Variants in TNKS observed in about 807,000 individuals in gnomAD.
TNKS encodes tankyrase, also known as poly [ADP-ribose] polymerase tankyrase-1.
In TNKS, 72 loss-of-function variants were observed where a neutral mutation model predicts 135.8. The observed-to-expected ratio is 0.53, with a 90% CI of 0.44 to 0.64. TNKS has a LOEUF of 0.64. Ranked by LOEUF, TNKS falls within the 30% of genes least tolerant of loss-of-function variation. TNKS has a pLI of 0.00. For synonymous variants in TNKS, 849 were observed against 649.3 expected (o/e 1.31, Z -4.68); for missense variants, 1,769 against 1,674.0 (o/e 1.06, Z -0.99).
intron 1 of TNKS, among the ~76,000 whole-genome samples, chr8:9,577,656 C>A (rs1034707405): frequency 6.6e-6 from 1 of 152,190 alleles, no homozygotes; most frequent in African/African-American, 2.4e-5. Flanking sequence ...TCACCTACCA[C>A]CAGGCCCCTC....
rs759060552 is a variant in TNKS at position 9,735,040 on chromosome 8, G to T, written c.2489G>T (p.Cys830Phe). 1 of 1,614,060 alleles carries T rather than the reference G, an allele frequency of 6.2e-7. No homozygotes were observed. Among genetic ancestry groups the T allele is most frequent in the Non-Finnish European group, 8.5e-7 (1 of 1,180,032 alleles). ...QKLCTPENIN[C>F]RDTQGRNSTP... ...CTCTGTACCCCAGAGAATATCAACT[G>T]CAGAGACACCCAGGGCAGAAATTCA... The change falls in exon 16 of 27, where the codon TGC (cysteine) becomes TTC (phenylalanine). Residue 830 changes from cysteine to phenylalanine, a missense_variant. By Grantham distance (205) the Cys-to-Phe change is radical. Around this residue, in one of 5 missense-constraint regions of TNKS, gnomAD observed 722 missense variants for 688.9 expected, o/e 1.05. Transcript: ENST00000310430.
intron 2 of TNKS, among the ~76,000 whole-genome samples, chr8:9,592,820 T>C (rs1798637000): frequency 6.6e-6 from 1 of 152,178 alleles, no homozygotes; most frequent in Admixed American, 6.5e-5. Context: ...TTAGGTGATA[T>C]CTTGAGATTC....
chr8:9,592,572 G>C (rs1036226816), intron 2 of TNKS, among the ~76,000 whole-genome samples: 5 of 152,138 alleles, frequency 3.3e-5, no homozygotes, highest in African/African-American at 1.2e-4. Context: ...TTCTTAAACT[G>C]AATCAGGTAA....
At chr8:9,682,561 G>T (rs1802826154) in intron 5 of TNKS, among the ~76,000 whole-genome samples, 1 of 151,720 alleles carries the variant, frequency 6.6e-6, no homozygotes, top group South Asian at 2.1e-4. Flanking sequence ...ATATTACTCT[G>T]TGGCACTTAG....
chr8:9,556,067 C>G lies in TNKS; in HGVS notation c.128C>G (p.Thr43Ser). 6.2e-7 allele frequency: 1 copy of G among 1,606,932 alleles called. No homozygotes were observed. Among genetic ancestry groups the G allele is most frequent in the Non-Finnish European group, 8.5e-7 (1 of 1,177,542 alleles). Reference sequence around the variant, plus strand: ...CTCAGCCCTGGCCTGGCCCCGGGGACCACCCCAGCCTCTCCCACGGCCAGC... The same window carrying G: ...CTCAGCCCTGGCCTGGCCCCGGGGAGCACCCCAGCCTCTCCCACGGCCAGC... ...PPLSPGLAPG[T>S]TPASPTASGL... Residue 43 changes from threonine (T) to serine (S), a missense_variant, in exon 1 of 27, where the codon ACC (threonine) becomes AGC (serine). Thr to Ser is a moderately conservative substitution (Grantham distance 58). Transcript: ENST00000310430.
At chr8:9,760,971 C>G (rs1051670411) in intron 20 of TNKS, among the ~76,000 whole-genome samples, 1 of 152,212 alleles carries the variant, frequency 6.6e-6, no homozygotes, top group Non-Finnish European at 1.5e-5. Flanking sequence ...TAACCAAATA[C>G]TTGAGATGTC....
intron 3 of TNKS, among the ~76,000 whole-genome samples, chr8:9,654,051 C>T (rs1433122610): frequency 6.6e-6 from 1 of 152,124 alleles, no homozygotes; most frequent in Non-Finnish European, 1.5e-5. Context: ...CCCAGTTGTG[C>T]AGTAAAAAAT....
chr8:9,690,436 TAAAG>T (rs1803211984), intron 5 of TNKS, among the ~76,000 whole-genome samples: 1 of 152,174 alleles, frequency 6.6e-6, no homozygotes, highest in Non-Finnish European at 1.5e-5. Context: ...ACATTTAAAA[TAAAG>T]ATAGTCCTTT....
chr8:9,620,254 C>T (rs544921450), intron 3 of TNKS, among the ~76,000 whole-genome samples: 5 of 152,162 alleles, frequency 3.3e-5, no homozygotes, highest in Non-Finnish European at 7.4e-5. Context: ...GCCGGGACTC[C>T]TTTCTTTGCC....
rs140891791 is a variant in TNKS at position 9,751,031 on chromosome 8, C to G, written c.2833-578C>G. On this transcript the variant is annotated intron_variant, in intron 18 of 26. Transcript: ENST00000310430. ...GTCACTTCTTCTCCATTCTATTGGTCAAGACAACTCACAGGGCAAACCACA... is the reference window on the plus strand; with the variant it reads ...GTCACTTCTTCTCCATTCTATTGGTGAAGACAACTCACAGGGCAAACCACA... Among the ~76,000 whole-genome samples the G allele has an allele frequency of 2.5e-3, 383 of 151,940 alleles. 2 individuals carry two copies. Among genetic ancestry groups the G allele is most frequent in the African/African-American group, 8.8e-3 (363 of 41,406 alleles).
rs1214433059 is a variant in TNKS at position 9,645,213 on chromosome 8, G to A, written c.994+29536G>A. Among the ~76,000 whole-genome samples, 21 of 149,442 alleles carry A rather than the reference G, an allele frequency of 1.4e-4. 1 individual carries two copies. The highest frequency in any genetic ancestry group is 1.1e-3 in the Admixed American group (16 of 15,030). On this transcript the variant is annotated intron_variant, in intron 3 of 26. Coordinates refer to ENST00000310430, the MANE Select transcript of TNKS (RefSeq NM_003747.3). ...TGGTCTAAGGAGGACAAGGGTGGGG[G>A]ATGGGTTGGGAGCAGGGTGGGGTTT...
intron 20 of TNKS, among the ~76,000 whole-genome samples, chr8:9,760,338 A>G (rs1308379886): frequency 6.6e-6 from 1 of 152,220 alleles, no homozygotes; most frequent in Non-Finnish European, 1.5e-5. Context: ...GCCACTTAGA[A>G]GCAATATAGA....
intron 26 of TNKS, among the ~76,000 whole-genome samples, chr8:9,775,189 A>G (rs1458020507): frequency 1.3e-5 from 2 of 152,098 alleles, no homozygotes; most frequent in African/African-American, 2.4e-5. Context: ...AATTAGCAGT[A>G]GGTATCTGAC....
intron 2 of TNKS, among the ~76,000 whole-genome samples, chr8:9,587,680 G>A (rs997990957): frequency 1.1e-4 from 17 of 152,176 alleles, no homozygotes; most frequent in Non-Finnish European, 2.9e-5. Context: ...GGGATTACAG[G>A]CGTGAGCCAC....
At chr8:9,562,635 A>G (rs982869080) in intron 1 of TNKS, among the ~76,000 whole-genome samples, 2 of 152,112 alleles carry the variant, frequency 1.3e-5, no homozygotes, top group African/African-American at 2.4e-5. Flanking sequence ...CTTTTAATCT[A>G]CCTCATTAAC....
At chr8:9,729,504 C>G (rs1401333224) in intron 13 of TNKS, among the ~76,000 whole-genome samples, 3 of 152,120 alleles carry the variant, frequency 2.0e-5, no homozygotes, top group Non-Finnish European at 4.4e-5. Context: ...TGCCTTTCTT[C>G]TGATCACTTC....
intron 15 of TNKS, among the ~76,000 whole-genome samples, chr8:9,733,892 AGAT>A (rs1398385556): frequency 1.3e-5 from 2 of 152,198 alleles, no homozygotes; most frequent in South Asian, 2.1e-4. Context: ...TTAAAACATA[AGAT>A]GATCTCTAAA....
At chr8:9,742,779 AAT>A (rs896806466) in intron 17 of TNKS, among the ~76,000 whole-genome samples, 1 of 149,486 alleles carries the variant, frequency 6.7e-6, no homozygotes, top group South Asian at 2.1e-4. Flanking sequence ...GTACTCCTTA[AAT>A]ATATATACTT....
At chr8:9,762,629 G>A (rs150092396) in intron 21 of TNKS, among the ~76,000 whole-genome samples, 1 of 152,230 alleles carries the variant, frequency 6.6e-6, no homozygotes, top group South Asian at 2.1e-4. Flanking sequence ...TGGGCTGGGC[G>A]CAGTGGCTCA....
Sources: allele counts gnomAD v4.1 joint callset (sites outside exome capture counted in the v4.1 genomes callset), GRCh38; gene constraint gnomAD v4.1.1; regional missense constraint gnomAD v4.1.1; transcripts MANE v1.5; gene names NCBI Gene and HGNC (gene_info 2026-07-23, HGNC 2026-07-21).